The following HNF4G variants were observed in gnomAD, a reference collection of about 807,000 sequenced individuals.
The protein encoded by HNF4G is hepatocyte nuclear factor 4 gamma.
A neutral mutation model predicts 50.9 loss-of-function variants in HNF4G; 21 were observed. The observed-to-expected ratio is 0.41, with a 90% CI of 0.29 to 0.59. HNF4G has a LOEUF of 0.59. HNF4G is among the 20% of genes least tolerant of loss of function. The probability of loss-of-function intolerance (pLI) is 0.26; values close to 1 mark genes in which losing one functional copy is unlikely to be tolerated. For missense variants in HNF4G, 527 were observed against 559.4 expected (o/e 0.94, Z 0.58); for synonymous variants, 198 against 185.6 (o/e 1.07, Z -0.54).
chr8:75,507,222 G>A (rs867494006), intron 2 of HNF4G, among the ~76,000 whole-genome samples: 3 of 150,846 alleles, frequency 2.0e-5, no homozygotes, highest in Non-Finnish European at 2.9e-5. Context: ...TCTATATAGC[G>A]ATTTGCCATT....
In HNF4G at chr8:75,519,260, G is replaced by A. The variant is rs976564428; in HGVS notation, c.-23-24551G>A. On this transcript the variant is annotated intron_variant, in intron 2 of 10. Transcript: ENST00000354370. ...CAGCCTGGACTTCATTGTCCATATC[G>A]CTATTAGCATTTTGGTCAAAACCAT... 3.3e-5 allele frequency among the ~76,000 whole-genome samples: 5 copies of A among 152,196 alleles called. No individual in the cohort carries two copies. In the East Asian group the frequency reaches 5.8e-4, roughly 18 times the overall value.
chr8:75,519,916 T>G (rs148742077), intron 2 of HNF4G, among the ~76,000 whole-genome samples: 308 of 152,220 alleles, frequency 2.0e-3, no homozygotes, highest in Non-Finnish European at 3.4e-3. Flanking sequence ...CCATTGACAT[T>G]TAAACTGATG....
intron 1 of HNF4G, among the ~76,000 whole-genome samples, chr8:75,436,724 G>C (rs1419098624): frequency 1.3e-5 from 2 of 152,170 alleles, no homozygotes; most frequent in African/African-American, 4.8e-5. Flanking sequence ...GCTGTAAAGA[G>C]ACACTGAAAC....
At chr8:75,519,975 T>C (rs1238030910) in intron 2 of HNF4G, among the ~76,000 whole-genome samples, 1 of 152,162 alleles carries the variant, frequency 6.6e-6, no homozygotes, top group African/African-American at 2.4e-5. Context: ...GTTTTTTATT[T>C]GTTCCATTTG....
intron 2 of HNF4G, among the ~76,000 whole-genome samples, chr8:75,507,264 T>TC (rs2130717637): frequency 6.7e-6 from 1 of 149,488 alleles, no homozygotes; most frequent in East Asian, 1.9e-4. Flanking sequence ...TAAAATTCTT[T>TC]TTTTTTTTTT....
At position 75,410,518 on chromosome 8, in the gene HNF4G, C is replaced by T. The variant is rs555791238; in HGVS notation, c.-144+2356C>T. 1.7e-4 allele frequency among the ~76,000 whole-genome samples: 26 copies of T among 152,122 alleles called. No homozygotes were observed. In the South Asian group the frequency reaches 5.4e-3, roughly 32 times the overall value. On this transcript the variant is annotated intron_variant, in intron 1 of 10. Transcript: ENST00000354370. ...ATTCTGAGCTTGTAAAAGAATCTAC[C>T]GCATTTGTTACTAACTATCCATTTA...
upstream of HNF4G, among the ~76,000 whole-genome samples, chr8:75,535,095 T>C (rs1806425375): frequency 1.3e-5 from 2 of 151,806 alleles, no homozygotes; most frequent in Admixed American, 1.3e-4. Flanking sequence ...ATCTAAAAAT[T>C]ACACATAATC....
At chr8:75,484,320 A>G (rs1413715080) in intron 1 of HNF4G, among the ~76,000 whole-genome samples, 2 of 152,232 alleles carry the variant, frequency 1.3e-5, no homozygotes, top group Non-Finnish European at 2.9e-5. Context: ...GGAAAATGGA[A>G]AAAAGCTCTC....
intron 1 of HNF4G, among the ~76,000 whole-genome samples, chr8:75,443,186 C>A (rs1232620025): frequency 2.0e-5 from 3 of 152,166 alleles, no homozygotes; most frequent in Non-Finnish European, 4.4e-5. Flanking sequence ...CTTCACCAGA[C>A]ACCAAATCTG....
At chr8:75,509,335 G>A (rs529088050) in intron 2 of HNF4G, among the ~76,000 whole-genome samples, 11 of 152,308 alleles carry the variant, frequency 7.2e-5, no homozygotes, top group African/African-American at 2.4e-4. Context: ...TTCATATTTG[G>A]TGTCCTGGAT....
At chr8:75,451,920 G>A (rs1017029595) in intron 1 of HNF4G, among the ~76,000 whole-genome samples, 1 of 152,206 alleles carries the variant, frequency 6.6e-6, no homozygotes, top group Admixed American at 6.5e-5. Context: ...CAGCTTCCAG[G>A]AAGGAGTGAG....
rs1807195111 is a variant in HNF4G, at chr8:75,558,451, C to T, written c.734-67C>T. The T allele has an allele frequency of 1.2e-5, 17 of 1,437,654 alleles. 1 individual carries two copies. The highest frequency in any genetic ancestry group is 1.0e-4 in the South Asian group (8 of 77,038). 89.1% of individuals were successfully genotyped at this position (1,437,654 alleles called of 1,614,324 possible). ...AAACACCGGTTTGTTAAATTTTAAACAGTGCTGACAATTTGGGGAGACAGG... is the reference window on the plus strand; with the variant it reads ...AAACACCGGTTTGTTAAATTTTAAATAGTGCTGACAATTTGGGGAGACAGG... On this transcript the variant is annotated intron_variant, in intron 6 of 9. Transcript: ENST00000396423.
Position 75,464,239 on chromosome 8 carries a change from T to A in HNF4G, c.-143-25850T>A, listed in dbSNP as rs976496484. Among the ~76,000 whole-genome samples, 5 of 150,486 alleles carry A rather than the reference T, an allele frequency of 3.3e-5. No individual in the cohort carries two copies. In the South Asian group the frequency reaches 1.1e-3, roughly 32 times the overall value. ...CCATGTGAAAATGGATTCTCTCTCT[T>A]TTTTTTTTAACTCAATTTTTTGAAA... On this transcript the variant is annotated intron_variant, in intron 1 of 10. Transcript: ENST00000354370.
chr8:75,461,843 G>A (rs1811853660), intron 1 of HNF4G, among the ~76,000 whole-genome samples: 1 of 148,378 alleles, frequency 6.7e-6, no homozygotes, highest in Non-Finnish European at 1.5e-5. Context: ...ACAATATACT[G>A]TAATAGAAGT....
chr8:75,464,533 T>C (rs1228019666), intron 1 of HNF4G, among the ~76,000 whole-genome samples: 2 of 152,180 alleles, frequency 1.3e-5, no homozygotes, highest in African/African-American at 4.8e-5. Context: ...TCCTTCTTCA[T>C]TCAGAATGTG....
chr8:75,434,752 G>A (rs1310020435), intron 1 of HNF4G, among the ~76,000 whole-genome samples: 1 of 151,396 alleles, frequency 6.6e-6, no homozygotes, highest in African/African-American at 2.4e-5. Flanking sequence ...TGATGCAGCA[G>A]GTATTACAAT....
intron 2 of HNF4G, among the ~76,000 whole-genome samples, chr8:75,525,953 A>C (rs1271479233): frequency 6.6e-6 from 1 of 152,182 alleles, no homozygotes; most frequent in Non-Finnish European, 1.5e-5. Flanking sequence ...ATGAATCAGA[A>C]GCATATAATT....
upstream of HNF4G, chr8:75,539,763 T>G (rs931770080): frequency 2.2e-6 from 1 of 457,686 alleles, no homozygotes; most frequent in Non-Finnish European, 3.9e-6. Flanking sequence ...ATTGCTTTCA[T>G]ATGCCATAAA....
chr8:75,420,183 C>T (rs1810744483), intron 1 of HNF4G, among the ~76,000 whole-genome samples: 1 of 152,154 alleles, frequency 6.6e-6, no homozygotes, highest in African/African-American at 2.4e-5. Context: ...CCAATATTAA[C>T]TTCAATTGGG....
Sources: gnomAD v4.1 joint callset for allele counts (sites outside exome capture counted in the v4.1 genomes callset) on GRCh38, gnomAD v4.1.1 for gene constraint, MANE v1.5 for transcripts, NCBI Gene and HGNC (gene_info 2026-07-23, HGNC 2026-07-21) for gene names.